KCNIP4: variants seen among roughly 807,000 people sequenced by gnomAD.
The protein encoded by KCNIP4 is potassium voltage-gated channel interacting protein 4, also known as Kv channel-interacting protein 4.
A neutral mutation model predicts 34.0 loss-of-function variants in KCNIP4; 12 were observed. That is an observed-to-expected ratio of 0.35 (90% CI 0.23 to 0.57). The LOEUF is 0.57. Ranked by LOEUF, KCNIP4 falls within the 20% of genes least tolerant of loss-of-function variation. KCNIP4 has a pLI of 0.83. For synonymous variants in KCNIP4, 124 were observed against 102.2 expected, an observed-to-expected ratio of 1.21 and a Z score of -1.29; for missense variants, 238 against 311.7, an observed-to-expected ratio of 0.76 and a Z score of 1.78.
At chr4:21,918,876 T>G (rs888391637) in intron 1 of KCNIP4, among the ~76,000 whole-genome samples, 3 of 152,158 alleles carry the variant, frequency 2.0e-5, no homozygotes, top group African/African-American at 7.2e-5. Flanking sequence ...CCACGCTTCC[T>G]TAAGTCAATC....
chr4:21,862,076 G>A (rs1484510928), intron 1 of KCNIP4, among the ~76,000 whole-genome samples: 2 of 152,118 alleles, frequency 1.3e-5, no homozygotes, highest in African/African-American at 2.4e-5. Flanking sequence ...TCCTCCCCAA[G>A]AAGTAGCCTG....
intron 1 of KCNIP4, among the ~76,000 whole-genome samples, chr4:21,563,893 A>G (rs761769414): frequency 1.1e-4 from 17 of 152,106 alleles, no homozygotes; most frequent in Non-Finnish European, 2.2e-4. Context: ...TTTTGAGTGC[A>G]TGATATAATG....
intron 3 of KCNIP4, among the ~76,000 whole-genome samples, chr4:20,820,257 C>A (rs914603407): frequency 3.3e-5 from 5 of 151,942 alleles, no homozygotes; most frequent in African/African-American, 1.2e-4. Flanking sequence ...AAATGAGGAA[C>A]GAGGGATTGT....
At chr4:20,922,929 GT>G (rs1729549385) in intron 1 of KCNIP4, among the ~76,000 whole-genome samples, 1 of 152,040 alleles carries the variant, frequency 6.6e-6, no homozygotes, top group South Asian at 2.1e-4. Context: ...TAAAAATACA[GT>G]TTTTTACAGT....
At chr4:21,748,798 T>C (rs753275920) in intron 1 of KCNIP4, among the ~76,000 whole-genome samples, 10 of 152,078 alleles carry the variant, frequency 6.6e-5, no homozygotes, top group Non-Finnish European at 1.3e-4. Flanking sequence ...CTTTTTAGTG[T>C]TTCTGATTGA....
chr4:20,815,237 T>C (rs149314052), intron 3 of KCNIP4, among the ~76,000 whole-genome samples: 67 of 152,294 alleles, frequency 4.4e-4, no homozygotes, highest in African/African-American at 1.5e-3. Context: ...TATTTTCATA[T>C]ATGTTTATGT....
At chr4:20,959,995 C>T (rs1733691928) in intron 1 of KCNIP4, among the ~76,000 whole-genome samples, 1 of 152,152 alleles carries the variant, frequency 6.6e-6, no homozygotes, top group African/African-American at 2.4e-5. Flanking sequence ...TTTTTAATAT[C>T]ACCATTGTCT....
intron 1 of KCNIP4, among the ~76,000 whole-genome samples, chr4:21,680,288 A>T (rs1461682854): frequency 6.6e-6 from 1 of 152,156 alleles, no homozygotes; most frequent in Non-Finnish European, 1.5e-5. Flanking sequence ...TCATCCATTT[A>T]AGTTTGTTCT....
intron 1 of KCNIP4, among the ~76,000 whole-genome samples, chr4:21,387,422 G>A (rs1722128965): frequency 2.0e-5 from 3 of 152,048 alleles, no homozygotes; most frequent in Admixed American, 2.0e-4. Context: ...CTTTACCAAG[G>A]TCTCCTAAAA....
At position 21,234,381 on chromosome 4, in the gene KCNIP4, C is replaced by T. The variant is rs1159068016; in HGVS notation, c.62-351672G>A. 1.0e-3 allele frequency among the ~76,000 whole-genome samples: 109 copies of T among 104,808 alleles called. 17 individuals carry two copies. Among genetic ancestry groups the T allele is most frequent in the Middle Eastern group, 6.8e-3 (1 of 148 alleles). The allele number at this position is 104,808 out of a possible 152,430, so 68.8% of individuals were successfully genotyped here. ...AACATATATAATATATAACATACAT[C>T]ATACATAACATATATAATATATTAT... On this transcript the variant is annotated intron_variant, in intron 1 of 8. Transcript: ENST00000382152.
intron 5 of KCNIP4, among the ~76,000 whole-genome samples, chr4:20,739,153 G>A (rs1014186898): frequency 6.6e-6 from 1 of 152,212 alleles, no homozygotes; most frequent in African/African-American, 2.4e-5. Flanking sequence ...TGCCACCTCT[G>A]GGGGCAGGTC....
chr4:21,105,136 G>C (rs922333201), intron 1 of KCNIP4, among the ~76,000 whole-genome samples: 5 of 151,650 alleles, frequency 3.3e-5, no homozygotes, highest in African/African-American at 7.3e-5. Context: ...TGTGAAGAAA[G>C]TCATTGGTAG....
intron 1 of KCNIP4, among the ~76,000 whole-genome samples, chr4:21,542,669 A>G (rs1737805685): frequency 6.6e-6 from 1 of 150,944 alleles, no homozygotes; most frequent in Admixed American, 6.6e-5. Context: ...TGCATGAAGA[A>G]GAAAGTTGTA....
chr4:21,932,486 AT>A (rs1729627113), intron 1 of KCNIP4, among the ~76,000 whole-genome samples: 1 of 152,086 alleles, frequency 6.6e-6, no homozygotes, highest in Admixed American at 6.6e-5. Context: ...TGCTGATACA[AT>A]TGCACATTGC....
chr4:21,448,866 A>G lies in KCNIP4; in HGVS notation c.61+499705T>C, dbSNP rs142741174. ...TGTAAATCCTCCTGACATATATAGG[A>G]GGTCCATCAAGTTTTTGAGAATATT... On this transcript the variant is annotated intron_variant, in intron 1 of 8. Transcript: ENST00000382152. Among the ~76,000 whole-genome samples, 518 of 152,316 alleles carry G rather than the reference A, an allele frequency of 3.4e-3. 3 individuals carry two copies. The highest frequency in any genetic ancestry group is 0.012 in the African/African-American group (492 of 41,540).
chr4:20,781,170 T>C (rs1756834096), intron 3 of KCNIP4, among the ~76,000 whole-genome samples: 1 of 152,138 alleles, frequency 6.6e-6, no homozygotes, highest in South Asian at 2.1e-4. Context: ...TAAAGACCAG[T>C]CGGAAGATGA....
intron 1 of KCNIP4, among the ~76,000 whole-genome samples, chr4:21,771,138 C>T (rs1224017383): frequency 6.6e-6 from 1 of 152,048 alleles, no homozygotes; most frequent in African/African-American, 2.4e-5. Flanking sequence ...AGAAGGGGTC[C>T]AGTTTCAGTT....
At position 21,060,434 on chromosome 4, in the gene KCNIP4, G is replaced by A. The variant is rs76273437; in HGVS notation, c.62-177725C>T. Among the ~76,000 whole-genome samples the A allele has an allele frequency of 4.3e-3, 651 of 152,264 alleles. 3 individuals are homozygous for A. The highest frequency in any genetic ancestry group is 0.015 in the African/African-American group (621 of 41,558). On this transcript the variant is annotated intron_variant, in intron 1 of 8. Coordinates refer to ENST00000382152, the MANE Select transcript of KCNIP4 (RefSeq NM_025221.6). ...AGAAACTGTAGGCATCAGACTGGAT[G>A]TTACAAAACAGCTTCAATAAGACAT...
chr4:21,882,016 T>C (rs915939662), intron 1 of KCNIP4, among the ~76,000 whole-genome samples: 6 of 152,162 alleles, frequency 3.9e-5, no homozygotes, highest in African/African-American at 1.2e-4. Flanking sequence ...CTGGTTCCAA[T>C]CAAAGGAAAT....
Sources: allele counts gnomAD v4.1 joint callset (sites outside exome capture counted in the v4.1 genomes callset), GRCh38; gene constraint gnomAD v4.1.1; transcripts MANE v1.5; gene names NCBI Gene and HGNC (gene_info 2026-07-23, HGNC 2026-07-21).